DMD: variants seen among roughly 807,000 people sequenced by gnomAD.
DMD encodes the protein mutant dystrophin.
Under a neutral mutation model 330.1 loss-of-function variants are expected in DMD, and 63 were observed. That is an observed-to-expected ratio of 0.19 (90% CI 0.16 to 0.24). The LOEUF (loss-of-function observed/expected upper bound fraction) is 0.24. Ranked by LOEUF, DMD falls within the 10% of genes least tolerant of loss-of-function variation. The pLI is 1.00. For synonymous variants in DMD, 1,223 were observed against 959.8 expected, an observed-to-expected ratio of 1.27 and a Z score of -5.07; for missense variants, 3,344 against 2,684.1, an observed-to-expected ratio of 1.25 and a Z score of -5.43.
At chrX:32,333,744 A>T (rs2097692073) in intron 41 of DMD, among the ~76,000 whole-genome samples, 1 of 110,711 alleles carries the variant, frequency 9.0e-6, no homozygotes, top group African/African-American at 3.3e-5. Context: ...AAGCCCTTGA[A>T]AATTCAGACT....
intron 4 of DMD, among the ~76,000 whole-genome samples, chrX:32,843,739 G>T (rs767365895): frequency 9.0e-6 from 1 of 111,642 alleles, no homozygotes; most frequent in African/African-American, 3.3e-5. Context: ...TGTATTGGTC[G>T]ATTAGACAGA....
chrX:32,239,325 G>C (rs1315361226), intron 43 of DMD, among the ~76,000 whole-genome samples: 1 of 111,064 alleles, frequency 9.0e-6, no homozygotes, highest in African/African-American at 3.3e-5. Flanking sequence ...TTCTACTTTT[G>C]AACTTTTATT....
rs191598188 is a variant in DMD, at chrX:32,855,127, G to C, written c.94-5307C>G. On this transcript the variant is annotated intron_variant, in intron 2 of 78. Transcript: ENST00000357033. Reference sequence around the variant, plus strand: ...AAAGCATTTGATAAAAATTCAACATGCCTTCATGATAAAAACTCTCAAAAC... The same window carrying C: ...AAAGCATTTGATAAAAATTCAACATCCCTTCATGATAAAAACTCTCAAAAC... Among the ~76,000 whole-genome samples, 258 of 111,719 alleles carry C rather than the reference G, an allele frequency of 2.3e-3. 1 individual carries two copies. Among genetic ancestry groups the C allele is most frequent in the African/African-American group, 8.1e-3 (250 of 30,786 alleles).
chrX:32,536,548 G>A (rs1292802280), intron 17 of DMD, among the ~76,000 whole-genome samples: 1 of 112,167 alleles, frequency 8.9e-6, no homozygotes, highest in Non-Finnish European at 1.9e-5. Flanking sequence ...TGAACTGTTT[G>A]CTATTAGTCT....
At chrX:31,636,571 T>C (rs1422433076) in intron 54 of DMD, among the ~76,000 whole-genome samples, 1 of 111,024 alleles carries the variant, frequency 9.0e-6, no homozygotes, top group African/African-American at 3.3e-5. Context: ...CCAAAATAAA[T>C]GACAAATCTT....
chrX:31,893,945 G>A (rs1343047943), intron 47 of DMD, among the ~76,000 whole-genome samples: 7 of 111,332 alleles, frequency 6.3e-5, no homozygotes, highest in African/African-American at 2.3e-4. Context: ...TCTCTGGCAG[G>A]GAATGGAGGA....
intron 47 of DMD, among the ~76,000 whole-genome samples, chrX:31,885,630 A>G (rs1429923851): frequency 3.4e-5 from 3 of 87,029 alleles, no homozygotes; most frequent in Admixed American, 1.5e-4. Context: ...AAAAAAAAAA[A>G]AAAAAAAGAA....
At chrX:32,983,404 T>C (rs1180212833) in intron 2 of DMD, among the ~76,000 whole-genome samples, 1 of 110,538 alleles carries the variant, frequency 9.0e-6, no homozygotes, top group Non-Finnish European at 1.9e-5. Context: ...TCTTTTGTTT[T>C]CTGCCTGATG....
At chrX:31,535,920 T>A (rs1291625452) in intron 55 of DMD, among the ~76,000 whole-genome samples, 11 of 112,143 alleles carry the variant, frequency 9.8e-5, no homozygotes, top group Non-Finnish European at 9.4e-5. Context: ...GTTGGACAAC[T>A]CTGAACACAT....
At chrX:32,664,766 G>C (rs764832196) in intron 9 of DMD, among the ~76,000 whole-genome samples, 1 of 111,937 alleles carries the variant, frequency 8.9e-6, no homozygotes, top group East Asian at 2.8e-4. Context: ...TAAGTTTGGA[G>C]TTTGGCAGAA....
At chrX:32,358,364 T>C (rs1485910866) in intron 37 of DMD, among the ~76,000 whole-genome samples, 1 of 111,256 alleles carries the variant, frequency 9.0e-6, no homozygotes, top group Non-Finnish European at 1.9e-5. Context: ...GCCATGCCAC[T>C]ATACTCCGAT....
chrX:32,993,607 G>GA (rs1246040359), intron 2 of DMD, among the ~76,000 whole-genome samples: 106 of 97,168 alleles, frequency 1.1e-3, no homozygotes, highest in South Asian at 5.1e-3. Context: ...TCAAAAAAAG[G>GA]AAAAAAAAAA....
intron 2 of DMD, among the ~76,000 whole-genome samples, chrX:32,970,856 G>T (rs1602311630): frequency 1.2e-5 from 1 of 83,003 alleles, no homozygotes; most frequent in African/African-American, 6.1e-5. Context: ...CTAAACAATT[G>T]CTAAAATATT....
At chrX:33,167,091 A>T (rs2049095917) in intron 1 of DMD, among the ~76,000 whole-genome samples, 1 of 111,298 alleles carries the variant, frequency 9.0e-6, no homozygotes, top group Non-Finnish European at 1.9e-5. Flanking sequence ...TATTGGTATT[A>T]TTAAAAACTG....
intron 64 of DMD, among the ~76,000 whole-genome samples, chrX:31,219,623 T>G (rs1786025299): frequency 9.0e-6 from 1 of 110,583 alleles, no homozygotes; most frequent in African/African-American, 3.3e-5. Flanking sequence ...CTTCCCTCCC[T>G]TGGGCTCTGG....
chrX:33,181,586 G>A (rs1350389178), intron 1 of DMD, among the ~76,000 whole-genome samples: 1 of 111,321 alleles, frequency 9.0e-6, no homozygotes, highest in Non-Finnish European at 1.9e-5. Flanking sequence ...TGTAAAATGG[G>A]AACAATAATA....
intron 26 of DMD, 55 bp from the exon 27 acceptor site, chrX:32,448,693 T>C: frequency 3.9e-6 from 4 of 1,025,902 alleles, no homozygotes; most frequent in Non-Finnish European, 5.3e-6. Flanking sequence ...ACATCCAAAA[T>C]GCATTTCTAT....
chrX:31,865,396 C>T (rs1439396657), intron 48 of DMD, among the ~76,000 whole-genome samples: 1 of 112,108 alleles, frequency 8.9e-6, no homozygotes, highest in Non-Finnish European at 1.9e-5. Context: ...CAATATAAAA[C>T]ACTGAAACTT....
At chrX:32,553,004 T>G (rs1375965457) in intron 16 of DMD, among the ~76,000 whole-genome samples, 1 of 111,813 alleles carries the variant, frequency 8.9e-6, no homozygotes, top group East Asian at 2.8e-4. Context: ...GGAAAGCAGT[T>G]TGGTGATTTC....
Sources: gnomAD v4.1 joint callset for allele counts (sites outside exome capture counted in the v4.1 genomes callset) on GRCh38, gnomAD v4.1.1 for gene constraint, MANE v1.5 for transcripts, NCBI Gene and HGNC (gene_info 2026-07-23, HGNC 2026-07-21) for gene names.